P3R3URF: variants seen among roughly 807,000 people sequenced by gnomAD.
P3R3URF encodes the protein PIK3R3 upstream open reading frame, also known as P3R3URF protein.
A neutral mutation model predicts 8.0 loss-of-function variants in P3R3URF; 6 were observed. That is an observed-to-expected ratio of 0.75 (90% CI 0.41 to 1.47). The LOEUF (loss-of-function observed/expected upper bound fraction) is 1.47. Ranked by LOEUF, P3R3URF falls within the 40% of genes most tolerant of loss-of-function variation. The probability of loss-of-function intolerance (pLI) is 0.01; values close to 1 mark genes in which losing one functional copy is unlikely to be tolerated. For missense variants in P3R3URF, 121 were observed against 117.3 expected (o/e 1.03, Z -0.14); for synonymous variants, 39 against 36.7 (o/e 1.06, Z -0.23).
intron 1 of P3R3URF, 85 bp from the exon 2 acceptor site, chr1:46,175,714 A>G (rs1209631605): frequency 5.0e-6 from 2 of 399,922 alleles, no homozygotes; most frequent in Non-Finnish European, 8.8e-6. Context: ...CCCTCCCCAA[A>G]CCCTCTGCTT....
chr1:46,176,436 G>C lies in P3R3URF; in HGVS notation c.36C>G (p.Pro12=), dbSNP rs940924112. The C allele has an allele frequency of 1.7e-5, 26 of 1,535,626 alleles. No individual in the cohort carries two copies. In the African/African-American group the frequency reaches 3.1e-4, roughly 19 times the overall value. ...GPSRLVRGPR[P]QGMRSPYRRP... ...TGCGGTAGGGGGAACGCATGCCCTG[G>C]GGCCGAGGGCCACGGACAAGCCGAG... The change falls in exon 1 of 2, where the codon CCC becomes CCG. Residue 12 remains proline (P), a synonymous_variant. Coordinates refer to ENST00000506599, the MANE Select transcript of P3R3URF (RefSeq NM_001328655.2).
At position 46,176,476 on chromosome 1, in the gene P3R3URF, A is replaced by G. The variant is rs1657171323; in HGVS notation, c.-5T>C. ...GACAAGCCGAGATGGCCCCATGGGC[A>G]CAGGGAGCTTCTGCAGTGTGCCTGG... On this transcript the variant is annotated 5_prime_UTR_variant, in exon 1 of 2. Coordinates refer to ENST00000506599, the MANE Select transcript of P3R3URF (RefSeq NM_001328655.2). The G allele has an allele frequency of 6.5e-7, 1 of 1,535,398 alleles. No homozygotes were observed. Among genetic ancestry groups the G allele is most frequent in the South Asian group, 1.2e-5 (1 of 84,054 alleles).
chr1:46,176,018 G>C (rs183532513), intron 1 of P3R3URF, among the ~76,000 whole-genome samples: 2 of 152,240 alleles, frequency 1.3e-5, no homozygotes, highest in Admixed American at 1.3e-4. Context: ...GACTAAAGGC[G>C]TGTGCCACCA....
In P3R3URF at chr1:46,176,439, C is replaced by T. The variant is rs923540083; in HGVS notation, c.33G>A (p.Arg11=). Residue 11 remains arginine, a synonymous_variant, in exon 1 of 2, where the codon CGG becomes CGA. Coordinates refer to ENST00000506599, the MANE Select transcript of P3R3URF (RefSeq NM_001328655.2). MGPSRLVRGP[R]PQGMRSPYRR... is the part of the protein sequence containing the mutation. ...GGTAGGGGGAACGCATGCCCTGGGGCCGAGGGCCACGGACAAGCCGAGATG... is the reference window on the plus strand; with the variant it reads ...GGTAGGGGGAACGCATGCCCTGGGGTCGAGGGCCACGGACAAGCCGAGATG... 3.7e-5 allele frequency: 57 copies of T among 1,535,642 alleles called. No individual in the cohort carries two copies. The highest frequency in any genetic ancestry group is 4.9e-5 in the Non-Finnish European group (56 of 1,146,930).
At chr1:46,176,123 C>T (rs953845241) in intron 1 of P3R3URF, 105 bp downstream of exon 1, 2 of 1,296,770 alleles carry the variant, frequency 1.5e-6, no homozygotes, top group East Asian at 5.0e-5. Flanking sequence ...GATCTGCCCG[C>T]CTTGGCCTCC....
chr1:46,176,464 G>T lies in P3R3URF; in HGVS notation c.8C>A (p.Pro3Gln), dbSNP rs181848252. 6.5e-7 allele frequency: 1 copy of T among 1,535,688 alleles called. No homozygotes were observed. Among genetic ancestry groups the T allele is most frequent in the Admixed American group, 2.0e-5 (1 of 51,002 alleles). ...CCGAGGGCCACGGACAAGCCGAGAT[G>T]GCCCCATGGGCACAGGGAGCTTCTG... Reference protein sequence around the residue: MGPSRLVRGPRPQ... With the variant: MGQSRLVRGPRPQ... Residue 3 changes from proline to glutamine, a missense_variant, in exon 1 of 2, where the codon CCA becomes CAA. By Grantham distance (76) the Pro-to-Gln change is moderately conservative. Transcript: ENST00000506599.
Position 46,175,497 on chromosome 1 carries a change from T to C in P3R3URF, c.*89A>G, listed in dbSNP as rs576254167. 2.8e-4 allele frequency: 112 copies of C among 398,578 alleles called. No homozygotes were observed. The highest frequency in any genetic ancestry group is 2.2e-3 in the African/African-American group (109 of 48,742). The allele number at this position is 398,578 out of a possible 1,614,324, so 24.7% of individuals were successfully genotyped here. A position where few individuals can be genotyped will look rare whatever the true frequency, so the allele number is the denominator to read the frequency against. ...GTGGAATAAGGCAGTTTGAGCAGAATGACTGTATTTGTTGTTCACCACCCA... is the reference window on the plus strand; with the variant it reads ...GTGGAATAAGGCAGTTTGAGCAGAACGACTGTATTTGTTGTTCACCACCCA... On this transcript the variant is annotated 3_prime_UTR_variant, in exon 2 of 2. Transcript: ENST00000506599.
intron 1 of P3R3URF, chr1:46,175,872 GTT>G (rs34832129): frequency 4.8e-3 from 1,461 of 306,876 alleles, no homozygotes; most frequent in Non-Finnish European, 6.3e-3. Flanking sequence ...ACTGGCTCTG[GTT>G]TTTTTTTTTT....
chr1:46,176,263 G>T lies in P3R3URF; in HGVS notation c.209C>A (p.Thr70Asn), dbSNP rs769056673. 3 of 1,535,808 alleles carry T rather than the reference G, an allele frequency of 2.0e-6. No homozygotes were observed. The highest frequency in any genetic ancestry group is 2.4e-5 in the South Asian group (2 of 84,064). The change falls in exon 1 of 2, where the codon ACT becomes AAT. Residue 70 changes from threonine (T) to asparagine (N), a missense_variant. Transcript: ENST00000506599. ...GAAGATCCACACTATGGTGGTGTCA[G>T]TGTGGGTGTTGTTGATACCCATGGC... ...TRAMGINNTHTDTTIVWIFPP... is the reference protein window; with the variant it reads ...TRAMGINNTHNDTTIVWIFPP...
In P3R3URF at chr1:46,175,623, C is replaced by G; in HGVS notation, c.251G>C (p.Arg84Thr). 1 of 399,292 alleles carries G rather than the reference C, an allele frequency of 2.5e-6. No individual in the cohort carries two copies. The highest frequency in any genetic ancestry group is 4.4e-6 in the Non-Finnish European group (1 of 226,580). The allele number at this position is 399,292 out of a possible 1,614,324, so 24.7% of individuals were successfully genotyped here. The change falls in exon 2 of 2, where the codon AGA (arginine) becomes ACA (threonine). Residue 84 changes from arginine (R) to threonine (T), a missense_variant. Physicochemically the swap from Arg to Thr is moderately conservative, Grantham distance 71 (BLOSUM62 -1). Coordinates refer to ENST00000506599, the MANE Select transcript of P3R3URF (RefSeq NM_001328655.2). ...AAAAATCCCAGGTTGCCTGAGATGT[C>G]TGAGAACTGAGGAGAGGAAGGAGAG... Reference protein sequence around the residue: ...IVWIFPPQVLRHLRQPGIFLI... With the variant: ...IVWIFPPQVLTHLRQPGIFLI...
chr1:46,176,128 G>T, intron 1 of P3R3URF, 100 bp downstream of exon 1: 1 of 1,347,752 alleles, frequency 7.4e-7, no homozygotes, highest in Non-Finnish European at 1.0e-6. Context: ...GCCCGCCTTG[G>T]CCTCCCAAAG....
intron 1 of P3R3URF, 36 bp from the exon 2 acceptor site, chr1:46,175,665 G>T: frequency 5.0e-6 from 2 of 399,774 alleles, no homozygotes; most frequent in Non-Finnish European, 8.8e-6. Flanking sequence ...GTTTGAGGAA[G>T]GAAGCAGTTC....
Position 46,175,966 on chromosome 1 carries a change from G to A in P3R3URF, c.244+262C>T, listed in dbSNP as rs1276777969. The A allele has an allele frequency of 3.6e-5, 18 of 501,902 alleles. 1 individual carries two copies. The highest frequency in any genetic ancestry group is 1.0e-4 in the Admixed American group (3 of 29,140). The allele number at this position is 501,902 out of a possible 1,614,324, so 31.1% of individuals were successfully genotyped here. A position where few individuals can be genotyped will look rare whatever the true frequency, so the allele number is the denominator to read the frequency against. The stretch of plus-strand genomic sequence containing the variant: ...TGGCTCACTGCAACCTCTGCCTCCC[G>A]GGTTCAAGCAATTCTCCTGCCTCAG... On this transcript the variant is annotated intron_variant, in intron 1 of 1. Coordinates refer to ENST00000506599, the MANE Select transcript of P3R3URF (RefSeq NM_001328655.2).
At chr1:46,176,128 G>C (rs1032921840) in intron 1 of P3R3URF, 100 bp downstream of exon 1, 98 of 1,347,632 alleles carry the variant, frequency 7.3e-5, no homozygotes, top group Non-Finnish European at 9.5e-5. Context: ...GCCCGCCTTG[G>C]CCTCCCAAAG....
chr1:46,176,400 C>T lies in P3R3URF; in HGVS notation c.72G>A (p.Met24Ile). ...TGGGAAATCGGGGCCTGGGCCAGCC[C>T]ATACCTGGCCTGCGGTAGGGGGAAC... Reference protein sequence around the residue: ...GMRSPYRRPGMGWPRPRFPRM... With the variant: ...GMRSPYRRPGIGWPRPRFPRM... Residue 24 changes from methionine to isoleucine, a missense_variant, in exon 1 of 2, where the codon ATG (methionine) becomes ATA (isoleucine). Physicochemically the swap from Met to Ile is conservative, Grantham distance 10. Coordinates refer to ENST00000506599, the MANE Select transcript of P3R3URF (RefSeq NM_001328655.2). The T allele has an allele frequency of 2.0e-6, 3 of 1,535,768 alleles. No homozygotes were observed. The highest frequency in any genetic ancestry group is 4.9e-5 in the East Asian group (2 of 40,916).
intron 1 of P3R3URF, among the ~76,000 whole-genome samples, 155 bp downstream of exon 1, chr1:46,176,073 C>T (rs1213984589): frequency 6.6e-6 from 1 of 152,294 alleles, no homozygotes; most frequent in South Asian, 2.1e-4. Context: ...GATGGGATTT[C>T]ACCGTGTTAG....
In P3R3URF at chr1:46,176,355, G is replaced by A; in HGVS notation, c.117C>T (p.Arg39=). 1.3e-6 allele frequency: 2 copies of A among 1,535,758 alleles called. No homozygotes were observed. The highest frequency in any genetic ancestry group is 1.7e-6 in the Non-Finnish European group (2 of 1,146,922). Residue 39 remains arginine (R), a synonymous_variant, in exon 1 of 2, where the codon CGC becomes CGT. Coordinates refer to ENST00000506599, the MANE Select transcript of P3R3URF (RefSeq NM_001328655.2). ...PRFPRMFKCS[R]RRYQQGLRGR... ...CTCGGAGACCCTGTTGATATCTTCT[G>A]CGGCTACACTTGAACATCCTGGGAA...
Position 46,176,370 on chromosome 1 carries a change from C to T in P3R3URF, c.102G>A (p.Met34Ile), listed in dbSNP as rs971354323. The change falls in exon 1 of 2, where the codon ATG becomes ATA. Residue 34 changes from methionine to isoleucine, a missense_variant. Transcript: ENST00000506599. ...GATATCTTCTGCGGCTACACTTGAA[C>T]ATCCTGGGAAATCGGGGCCTGGGCC... ...MGWPRPRFPR[M>I]FKCSRRRYQQ... 1.3e-6 allele frequency: 2 copies of T among 1,535,756 alleles called. No individual in the cohort carries two copies. Among genetic ancestry groups the T allele is most frequent in the South Asian group, 1.2e-5 (1 of 84,066 alleles).
Position 46,176,233 on chromosome 1 carries a change from G to A in P3R3URF, c.239C>T (p.Pro80Leu). 1 of 1,535,488 alleles carries A rather than the reference G, an allele frequency of 6.5e-7. No individual in the cohort carries two copies. Among genetic ancestry groups the A allele is most frequent in the South Asian group, 1.2e-5 (1 of 84,058 alleles). ...TCACAGGCCCCCTGGCTAACCTTGA[G>A]GTGGGAAGATCCACACTATGGTGGT... Reference protein sequence around the residue: ...TDTTIVWIFPPQVLRHLRQPG... With the variant: ...TDTTIVWIFPLQVLRHLRQPG... Residue 80 changes from proline to leucine, a missense_variant, in exon 1 of 2, where the codon CCT becomes CTT. By Grantham distance (98) the Pro-to-Leu change is moderately conservative. Coordinates refer to ENST00000506599, the MANE Select transcript of P3R3URF (RefSeq NM_001328655.2).
Sources: allele counts gnomAD v4.1 joint callset (sites outside exome capture counted in the v4.1 genomes callset), GRCh38; gene constraint gnomAD v4.1.1; transcripts MANE v1.5; gene names NCBI Gene and HGNC (gene_info 2026-07-23, HGNC 2026-07-21).